Variants in PDE4D observed in about 807,000 individuals in gnomAD.
The protein encoded by PDE4D is phosphodiesterase 4D, also known as 3',5'-cyclic-AMP phosphodiesterase 4D.
A neutral mutation model predicts 87.4 loss-of-function variants in PDE4D; 24 were observed. The ratio of observed to expected loss-of-function variants is 0.27; its 90% CI spans 0.20 to 0.39. The LOEUF is 0.39. Among genes scored for constraint, PDE4D ranks in the 10% least tolerant of loss-of-function variants. PDE4D has a pLI of 1.00. For synonymous variants in PDE4D, 384 were observed against 383.2 expected (o/e 1.00, Z -0.02); for missense variants, 714 against 1,041.0 (o/e 0.69, Z 4.32).
chr5:59,739,659 C>A (rs537253130), intron 1 of PDE4D, among the ~76,000 whole-genome samples: 2 of 152,140 alleles, frequency 1.3e-5, no homozygotes, highest in African/African-American at 4.8e-5. Context: ...CAGTGTAATA[C>A]GCTACAAGCA....
At chr5:59,191,755 G>C (rs1047936848) in intron 3 of PDE4D, among the ~76,000 whole-genome samples, 1 of 152,044 alleles carries the variant, frequency 6.6e-6, no homozygotes, top group African/African-American at 2.4e-5. Flanking sequence ...ATTTTTAGTA[G>C]AGACAGGGTT....
chr5:59,711,208 G>A (rs77952393), intron 1 of PDE4D, among the ~76,000 whole-genome samples: 2,092 of 151,870 alleles, frequency 0.014, 49 homozygotes, highest in African/African-American at 0.048. Flanking sequence ...CACTACATTG[G>A]GAAAATTTTC....
chr5:59,538,194 C>T (rs577913357), intron 1 of PDE4D, among the ~76,000 whole-genome samples: 6 of 152,146 alleles, frequency 3.9e-5, no homozygotes, highest in African/African-American at 7.2e-5. Flanking sequence ...AAACTGACAT[C>T]GAGAGTAGTG....
chr5:59,753,751 A>G (rs2164661), intron 1 of PDE4D, among the ~76,000 whole-genome samples: 99,940 of 152,108 alleles, frequency 0.66, 34,366 homozygotes, highest in African/African-American at 0.84. Flanking sequence ...ACAAAGAGGG[A>G]TGAGCATCAA....
intron 1 of PDE4D, among the ~76,000 whole-genome samples, chr5:60,225,225 G>A (rs537423533): frequency 1.3e-5 from 2 of 152,104 alleles, no homozygotes; most frequent in African/African-American, 4.8e-5. Flanking sequence ...CATGTCAAGA[G>A]GATCTTCATC....
At chr5:60,192,146 T>G (rs1785247651) in intron 1 of PDE4D, among the ~76,000 whole-genome samples, 1 of 152,176 alleles carries the variant, frequency 6.6e-6, no homozygotes, top group Non-Finnish European at 1.5e-5. Flanking sequence ...ATGTTTTAAT[T>G]AATAAGTAGA....
chr5:60,309,852 T>C (rs1177681432), intron 1 of PDE4D, among the ~76,000 whole-genome samples: 2 of 152,222 alleles, frequency 1.3e-5, no homozygotes, highest in East Asian at 3.8e-4. Context: ...GCCAAATTAT[T>C]AAGCATAAGA....
At chr5:59,650,310 T>C (rs1301056013) in intron 1 of PDE4D, among the ~76,000 whole-genome samples, 1 of 152,202 alleles carries the variant, frequency 6.6e-6, no homozygotes, top group Non-Finnish European at 1.5e-5. Flanking sequence ...ATTGCTCTTT[T>C]AGTCATAGAA....
intron 1 of PDE4D, among the ~76,000 whole-genome samples, chr5:60,307,101 T>C (rs1231291554): frequency 1.3e-5 from 2 of 152,100 alleles, no homozygotes; most frequent in Non-Finnish European, 2.9e-5. Flanking sequence ...TTTTTAAAAA[T>C]GCAAACATAA....
chr5:59,713,612 C>T (rs1023268964), intron 1 of PDE4D, among the ~76,000 whole-genome samples: 4 of 152,132 alleles, frequency 2.6e-5, no homozygotes, highest in Non-Finnish European at 5.9e-5. Context: ...CCAAGGTGGG[C>T]GAGCCTTTGG....
chr5:59,592,983 A>T (rs1344929290), intron 1 of PDE4D, among the ~76,000 whole-genome samples: 1 of 151,876 alleles, frequency 6.6e-6, no homozygotes, highest in Non-Finnish European at 1.5e-5. Context: ...ATTATAATTT[A>T]AAATTTTTTA....
chr5:60,079,177 A>G (rs1382366602), intron 2 of PDE4D, among the ~76,000 whole-genome samples: 1 of 152,196 alleles, frequency 6.6e-6, no homozygotes, highest in Admixed American at 6.5e-5. Context: ...GGCCATGTAA[A>G]TATCTTCTTT....
Position 59,566,533 on chromosome 5 carries a change from C to CGT in PDE4D, c.455+326634_455+326635insAC, listed in dbSNP as rs1561221090. On this transcript the variant is annotated intron_variant, in intron 1 of 14. Transcript: ENST00000340635. ...GTAGCATCTGATCCAGTCACAGTTT[C>CGT]ATGTGTGTGTGTGTGTGTGTGTGTG... is the stretch of plus-strand genomic sequence containing the variant. Among the ~76,000 whole-genome samples, 311 of 102,734 alleles carry CGT rather than the reference C, an allele frequency of 3.0e-3. 4 individuals carry two copies. Among genetic ancestry groups the CGT allele is most frequent in the African/African-American group, 0.011 (298 of 27,418 alleles). The allele number at this position is 102,734 out of a possible 152,430, so 67.4% of individuals were successfully genotyped here.
chr5:59,598,159 T>C (rs959795662), intron 1 of PDE4D, among the ~76,000 whole-genome samples: 4 of 152,174 alleles, frequency 2.6e-5, no homozygotes, highest in African/African-American at 9.7e-5. Flanking sequence ...CAATGGGGAA[T>C]ATAATGTGAT....
At chr5:59,783,215 C>T (rs919575580) in intron 1 of PDE4D, among the ~76,000 whole-genome samples, 2 of 152,144 alleles carry the variant, frequency 1.3e-5, no homozygotes, top group African/African-American at 2.4e-5. Flanking sequence ...TAGAATCACC[C>T]GGAGAATTTT....
chr5:59,597,096 T>A (rs1053968617), intron 1 of PDE4D, among the ~76,000 whole-genome samples: 4 of 152,196 alleles, frequency 2.6e-5, no homozygotes, highest in Non-Finnish European at 4.4e-5. Flanking sequence ...TGTATCTTCA[T>A]AGTAACTATG....
At chr5:60,304,709 G>GGAGCAA (rs1273111071) in intron 1 of PDE4D, among the ~76,000 whole-genome samples, 2 of 150,606 alleles carry the variant, frequency 1.3e-5, no homozygotes, top group African/African-American at 2.5e-5. Context: ...AGAGCACAGA[G>GGAGCAA]GAGCAATCCT....
chr5:60,375,557 C>G (rs1761365731), intron 1 of PDE4D, among the ~76,000 whole-genome samples: 1 of 152,018 alleles, frequency 6.6e-6, no homozygotes, highest in Non-Finnish European at 1.5e-5. Context: ...CATTAGCTAC[C>G]CAAAGTGACT....
intron 1 of PDE4D, among the ~76,000 whole-genome samples, chr5:59,538,711 T>C (rs1192455787): frequency 6.6e-6 from 1 of 152,186 alleles, no homozygotes; most frequent in Non-Finnish European, 1.5e-5. Context: ...AGACTTTCCC[T>C]TTTGTTGGAA....
Sources: allele counts gnomAD v4.1 joint callset (sites outside exome capture counted in the v4.1 genomes callset), GRCh38; gene constraint gnomAD v4.1.1; transcripts MANE v1.5; gene names NCBI Gene and HGNC (gene_info 2026-07-23, HGNC 2026-07-21).